Variants in ATF6 observed in about 807,000 individuals in gnomAD.
The protein encoded by ATF6 is cyclic AMP-dependent transcription factor ATF-6 alpha.
A neutral mutation model predicts 83.6 loss-of-function variants in ATF6; 53 were observed. The ratio of observed to expected loss-of-function variants is 0.63; its 90% CI spans 0.51 to 0.80. ATF6 has a LOEUF of 0.80. Among genes scored for constraint, ATF6 ranks in the 30% least tolerant of loss-of-function variants. The probability of loss-of-function intolerance (pLI) is 0.00; values close to 1 mark genes in which losing one functional copy is unlikely to be tolerated. For missense variants in ATF6, 744 were observed against 797.9 expected, an observed-to-expected ratio of 0.93 and a Z score of 0.81; for synonymous variants, 288 against 285.8, an observed-to-expected ratio of 1.01 and a Z score of -0.08.
At chr1:161,885,264 CAGT>C (rs1354472983) in intron 14 of ATF6, among the ~76,000 whole-genome samples, 1 of 152,106 alleles carries the variant, frequency 6.6e-6, no homozygotes, top group Non-Finnish European at 1.5e-5. Flanking sequence ...TATAAATAAA[CAGT>C]AGGAGCATGA....
chr1:161,843,749 A>G (rs1351842359), intron 9 of ATF6, among the ~76,000 whole-genome samples: 4 of 152,214 alleles, frequency 2.6e-5, no homozygotes, highest in African/African-American at 9.6e-5. Context: ...CAGTTAATTC[A>G]TAAGTAGATA....
intron 15 of ATF6, among the ~76,000 whole-genome samples, chr1:161,938,956 C>T (rs551253645): frequency 1.3e-5 from 2 of 152,302 alleles, no homozygotes; most frequent in South Asian, 4.1e-4. Flanking sequence ...TCCTCTTTAG[C>T]AGAACTCCTT....
In ATF6 at chr1:161,778,117, G is replaced by A. The variant is rs563225160; in HGVS notation, c.83-127G>A. 3.1e-4 allele frequency: 199 copies of A among 632,818 alleles called. No homozygotes were observed. The African/African-American group carries it at 3.3e-3, about 11-fold the overall frequency. 39.2% of individuals were successfully genotyped at this position (632,818 alleles called of 1,614,324 possible). On this transcript the variant is annotated intron_variant, in intron 1 of 15. Transcript: ENST00000367942. ...CATTGAATTGCTTATTCACATTACT[G>A]GAGTTTATCAATAATAGTAATGGCT...
intron 14 of ATF6, among the ~76,000 whole-genome samples, chr1:161,868,718 A>G (rs1196629212): frequency 1.3e-5 from 2 of 152,010 alleles, no homozygotes; most frequent in African/African-American, 2.4e-5. Flanking sequence ...CTAAGAAGTA[A>G]TATAAGCTGT....
intron 9 of ATF6, among the ~76,000 whole-genome samples, chr1:161,839,304 A>G (rs1241378697): frequency 2.0e-5 from 3 of 152,230 alleles, no homozygotes; most frequent in Non-Finnish European, 4.4e-5. Flanking sequence ...GATAAAGTAT[A>G]GTAGGGTAAA....
At chr1:161,882,699 G>A (rs1272810453) in intron 14 of ATF6, among the ~76,000 whole-genome samples, 1 of 147,340 alleles carries the variant, frequency 6.8e-6, no homozygotes, top group Non-Finnish European at 1.5e-5. Context: ...TTTAGTGGGG[G>A]TCGATACAGC....
At chr1:161,953,650 C>T (rs1037562761) in intron 15 of ATF6, among the ~76,000 whole-genome samples, 12 of 152,096 alleles carry the variant, frequency 7.9e-5, no homozygotes, top group African/African-American at 2.4e-4. Flanking sequence ...AAAAGGAATA[C>T]GTGGTGGTGG....
chr1:161,892,937 G>A (rs1465374035), intron 14 of ATF6, among the ~76,000 whole-genome samples: 2 of 151,282 alleles, frequency 1.3e-5, no homozygotes, highest in Non-Finnish European at 3.0e-5. Context: ...CGCGCCTGGC[G>A]GGTCATTCTT....
chr1:161,881,792 A>G (rs1687330989), intron 14 of ATF6, among the ~76,000 whole-genome samples: 1 of 152,124 alleles, frequency 6.6e-6, no homozygotes, highest in Non-Finnish European at 1.5e-5. Flanking sequence ...ATGAAGTCCA[A>G]TATGTCAGCT....
In ATF6 at chr1:161,921,536, G is replaced by A. The variant is rs551873802; in HGVS notation, c.1804+9156G>A. Among the ~76,000 whole-genome samples, 9 of 152,204 alleles carry A rather than the reference G, an allele frequency of 5.9e-5. No homozygotes were observed. In the East Asian group the frequency reaches 7.7e-4, roughly 13 times the overall value. ...CCAAAGGAAAAATCTATAGCATTTG[G>A]CAGCTGATGATTTATAAAGGAGAGA... On this transcript the variant is annotated intron_variant, in intron 15 of 15. Transcript: ENST00000367942.
intron 14 of ATF6, 115 bp from the exon 15 acceptor site, chr1:161,912,181 A>T: frequency 1.8e-6 from 1 of 567,700 alleles, no homozygotes; most frequent in South Asian, 3.2e-5. Context: ...TCAAATAAAA[A>T]CTATAATTTT....
At chr1:161,953,367 C>G (rs1406868598) in intron 15 of ATF6, among the ~76,000 whole-genome samples, 1 of 152,154 alleles carries the variant, frequency 6.6e-6, no homozygotes, top group Non-Finnish European at 1.5e-5. Context: ...ATCATGACCA[C>G]TTAGAGTGCC....
At chr1:161,897,976 G>T (rs945876488) in intron 14 of ATF6, among the ~76,000 whole-genome samples, 1 of 152,196 alleles carries the variant, frequency 6.6e-6, no homozygotes, top group African/African-American at 2.4e-5. Context: ...AGGTAACTGA[G>T]ATGATCCTTG....
intron 9 of ATF6, among the ~76,000 whole-genome samples, chr1:161,842,540 G>T (rs775897628): frequency 9.2e-5 from 14 of 152,218 alleles, no homozygotes; most frequent in Non-Finnish European, 1.6e-4. Context: ...GTCATAAAAA[G>T]GAATGAATTA....
intron 15 of ATF6, among the ~76,000 whole-genome samples, chr1:161,954,636 A>T (rs1688930874): frequency 6.6e-6 from 1 of 152,208 alleles, no homozygotes; most frequent in Non-Finnish European, 1.5e-5. Context: ...CAGTTATTGC[A>T]TGTTAACAGG....
chr1:161,908,611 A>G (rs1687924572), intron 14 of ATF6, among the ~76,000 whole-genome samples: 3 of 143,500 alleles, frequency 2.1e-5, no homozygotes, highest in Non-Finnish European at 3.0e-5. Flanking sequence ...ACATGATTTC[A>G]TTCCAGAGGA....
At chr1:161,769,886 T>C (rs938068029) in intron 1 of ATF6, among the ~76,000 whole-genome samples, 1 of 152,080 alleles carries the variant, frequency 6.6e-6, no homozygotes, top group Non-Finnish European at 1.5e-5. Context: ...TGGCTGTAAA[T>C]ACAGATGAAG....
chr1:161,859,342 C>T (rs945635866), intron 12 of ATF6, among the ~76,000 whole-genome samples: 6 of 152,196 alleles, frequency 3.9e-5, no homozygotes, highest in Admixed American at 1.3e-4. Context: ...TAGCGCTTAT[C>T]GCATTGTATT....
intron 14 of ATF6, chr1:161,891,070 G>C (rs1356692605): frequency 6.6e-6 from 1 of 152,230 alleles, no homozygotes; most frequent in Non-Finnish European, 1.5e-5. Flanking sequence ...CTGAATAGCC[G>C]AGTTCAGGAG....
Sources: gnomAD v4.1 joint callset for allele counts (sites outside exome capture counted in the v4.1 genomes callset) on GRCh38, gnomAD v4.1.1 for gene constraint, MANE v1.5 for transcripts, NCBI Gene and HGNC (gene_info 2026-07-23, HGNC 2026-07-21) for gene names.